DHX35: variants seen among roughly 807,000 people sequenced by gnomAD.
The protein encoded by DHX35 is DEAH-box helicase 35, also known as probable ATP-dependent RNA helicase DHX35.
DHX35 carries 84 observed loss-of-function variants against 99.6 expected under a neutral mutation model. The ratio of observed to expected loss-of-function variants is 0.84; its 90% confidence interval spans 0.71 to 1.01. DHX35 has a LOEUF of 1.01. Among genes scored for constraint, DHX35 ranks in the 50% least tolerant of loss-of-function variants. The pLI is 0.00. For missense variants in DHX35, 852 were observed against 888.5 expected (o/e 0.96, Z 0.52); for synonymous variants, 331 against 316.2 (o/e 1.05, Z -0.50).
chr20:39,028,565 G>A (rs1600450341), intron 19 of DHX35, 66 bp downstream of exon 19: 1 of 1,527,818 alleles, frequency 6.5e-7, no homozygotes, highest in East Asian at 2.2e-5. Context: ...AAACCCCACA[G>A]AAAGCTGTGC....
chr20:39,000,871 A>T lies in DHX35; in HGVS notation c.643-859A>T, dbSNP rs114730093. On this transcript the variant is annotated intron_variant, in intron 8 of 21. Coordinates refer to ENST00000252011, the MANE Select transcript of DHX35 (RefSeq NM_021931.4). ...TATCCATGCCCCCTCTGCAGTGGGC[A>T]CCAGCTGCTTCCCATCTGGTGCTCA... 1.8e-3 allele frequency among the ~76,000 whole-genome samples: 277 copies of T among 152,288 alleles called. 1 individual carries two copies. The highest frequency in any genetic ancestry group is 6.6e-3 in the African/African-American group (274 of 41,572).
At chr20:38,969,714 C>T (rs1241404234) in intron 2 of DHX35, among the ~76,000 whole-genome samples, 1 of 152,196 alleles carries the variant, frequency 6.6e-6, no homozygotes, top group Non-Finnish European at 1.5e-5. Context: ...CACATCCAGA[C>T]ACTCAGTTTT....
At chr20:39,034,960 A>G (rs9798509) in intron 21 of DHX35, among the ~76,000 whole-genome samples, 23,491 of 151,870 alleles carry the variant, frequency 0.15, 1,951 homozygotes, top group East Asian at 0.29. Flanking sequence ...GGGTTTCACT[A>G]TGTTGCCCAG....
At chr20:38,995,489 A>G (rs1041041925) in intron 8 of DHX35, among the ~76,000 whole-genome samples, 1 of 151,674 alleles carries the variant, frequency 6.6e-6, no homozygotes, top group Non-Finnish European at 1.5e-5. Flanking sequence ...GCTCCATTGC[A>G]CTCCAGCTTG....
At position 38,962,350 on chromosome 20, in the gene DHX35, G is replaced by C. The variant is rs1421688013; in HGVS notation, c.-18G>C. ...GCGACGGTGGGGTGGAGCTAGCCTC[G>C]TGACCTTTTACCCCAACATGGCTGC... On this transcript the variant is annotated 5_prime_UTR_variant, in exon 1 of 22. Transcript: ENST00000252011. The C allele has an allele frequency of 6.2e-7, 1 of 1,611,114 alleles. No individual in the cohort carries two copies. The highest frequency in any genetic ancestry group is 1.1e-5 in the South Asian group (1 of 90,512).
intron 14 of DHX35, among the ~76,000 whole-genome samples, chr20:39,016,484 A>G (rs2086787352): frequency 6.6e-6 from 1 of 152,168 alleles, no homozygotes; most frequent in African/African-American, 2.4e-5. Flanking sequence ...ATCCCCTTTT[A>G]TCACTGAATA....
chr20:39,024,379 C>G (rs2086918917), intron 17 of DHX35, among the ~76,000 whole-genome samples: 2 of 152,146 alleles, frequency 1.3e-5, no homozygotes, highest in Non-Finnish European at 2.9e-5. Context: ...TATAATACTT[C>G]AGATTTTTAA....
rs187704601 is a variant in DHX35, at chr20:39,022,020, G to T, written c.1593+85G>T. 191 of 1,328,260 alleles carry T rather than the reference G, an allele frequency of 1.4e-4. 1 individual carries two copies. In the East Asian group the frequency reaches 4.0e-3, roughly 28 times the overall value. The allele number at this position is 1,328,260 out of a possible 1,614,324, so 82.3% of individuals were successfully genotyped here. A position where few individuals can be genotyped will look rare whatever the true frequency, so the allele number is the denominator to read the frequency against. ...GTCAAAACTGTACTCAGGAACTGCT[G>T]AAGACAGAGCTGTACAAATGTGATC... On this transcript the variant is annotated intron_variant, in intron 16 of 21. Coordinates refer to ENST00000252011, the MANE Select transcript of DHX35 (RefSeq NM_021931.4).
chr20:39,023,050 A>G (rs1301094952), intron 16 of DHX35, among the ~76,000 whole-genome samples: 2 of 152,182 alleles, frequency 1.3e-5, no homozygotes, highest in Non-Finnish European at 2.9e-5. Context: ...CTGTGCCCAG[A>G]TGCTTATGTC....
intron 1 of DHX35, among the ~76,000 whole-genome samples, chr20:38,963,168 T>C (rs1035996727): frequency 6.6e-6 from 1 of 152,258 alleles, no homozygotes; most frequent in Admixed American, 6.5e-5. Flanking sequence ...ATCAGGTTTT[T>C]ACTGAATGTG....
Position 39,010,303 on chromosome 20 carries a change from C to T in DHX35, c.1246C>T (p.Gln416Ter), listed in dbSNP as rs750705732. The change falls in exon 13 of 22, where the codon CAG becomes TAG. Residue 416 changes from glutamine to a stop codon, truncating the protein, a stop_gained. Coordinates refer to ENST00000252011, the MANE Select transcript of DHX35 (RefSeq NM_021931.4). LOFTEE classifies it high-confidence loss of function. Reference protein sequence around the residue: ...YTEEAFDKLPQSTVPEMQRSN... With the variant: ...YTEEAFDKLP Reference sequence around the variant, plus strand: ...AGAGGAAGCCTTTGACAAGTTGCCTCAGTCTACGGTTCCTGAGATGCAGCG... The same window carrying T: ...AGAGGAAGCCTTTGACAAGTTGCCTTAGTCTACGGTTCCTGAGATGCAGCG... 1.2e-6 allele frequency: 2 copies of T among 1,614,014 alleles called. No homozygotes were observed. Among genetic ancestry groups the T allele is most frequent in the African/African-American group, 1.3e-5 (1 of 74,918 alleles).
intron 21 of DHX35, among the ~76,000 whole-genome samples, chr20:39,038,047 C>T (rs193267883): frequency 1.2e-4 from 19 of 152,216 alleles, no homozygotes; most frequent in South Asian, 4.1e-4. Context: ...TGTGTTGAGA[C>T]GCTTGGTAAA....
At chr20:39,006,447 T>G in intron 12 of DHX35, 91 bp downstream of exon 12, 3 of 1,412,884 alleles carry the variant, frequency 2.1e-6, no homozygotes, top group Non-Finnish European at 2.9e-6. Flanking sequence ...ATGGTAGAAC[T>G]TAACATAAAA....
intron 8 of DHX35, among the ~76,000 whole-genome samples, chr20:38,997,865 A>G (rs2086455958): frequency 1.3e-5 from 2 of 152,068 alleles, no homozygotes; most frequent in African/African-American, 4.8e-5. Flanking sequence ...AAACATTTTG[A>G]TCTAGAGGCG....
chr20:38,964,774 AAG>A (rs2085886632), intron 1 of DHX35, among the ~76,000 whole-genome samples: 1 of 152,190 alleles, frequency 6.6e-6, no homozygotes, highest in Non-Finnish European at 1.5e-5. Flanking sequence ...TTACTTTAGA[AAG>A]ATAACACTGG....
At chr20:38,962,432 G>A in intron 1 of DHX35, 25 bp downstream of exon 1, 1 of 1,609,864 alleles carries the variant, frequency 6.2e-7, no homozygotes, top group Non-Finnish European at 8.5e-7. Context: ...GGAACGCTGG[G>A]CAGATGCGGC....
At chr20:38,993,832 G>C (rs1223261601) in intron 7 of DHX35, among the ~76,000 whole-genome samples, 2 of 152,106 alleles carry the variant, frequency 1.3e-5, no homozygotes, top group Non-Finnish European at 1.5e-5. Context: ...ATTGTGATTT[G>C]TTATGAAGCT....
At chr20:39,020,062 G>A (rs1487482425) in intron 15 of DHX35, among the ~76,000 whole-genome samples, 1 of 152,198 alleles carries the variant, frequency 6.6e-6, no homozygotes. Flanking sequence ...ATGAATGACA[G>A]TGTTCTCTTC....
At chr20:38,991,428 T>G (rs2086335474) in intron 5 of DHX35, 26 bp from the exon 6 acceptor site, 1 of 1,605,168 alleles carries the variant, frequency 6.2e-7, no homozygotes, top group Non-Finnish European at 8.5e-7. Flanking sequence ...GAATTATTTC[T>G]AAAGCTTTGT....
Sources: gnomAD v4.1 joint callset for allele counts (sites outside exome capture counted in the v4.1 genomes callset) on GRCh38, gnomAD v4.1.1 for gene constraint, MANE v1.5 for transcripts, NCBI Gene and HGNC (gene_info 2026-07-23, HGNC 2026-07-21) for gene names.